The following GSTCD variants were observed in gnomAD, a reference collection of about 807,000 sequenced individuals.
The protein encoded by GSTCD is glutathione S-transferase C-terminal domain containing.
A neutral mutation model predicts 68.3 loss-of-function variants in GSTCD; 44 were observed. The ratio of observed to expected loss-of-function variants is 0.64; its 90% CI spans 0.51 to 0.83. The LOEUF (loss-of-function observed/expected upper bound fraction) is 0.83, where lower values mean the gene tolerates loss of function less well. Among genes scored for constraint, GSTCD ranks in the 40% least tolerant of loss-of-function variants. The pLI is 0.00. For missense variants in GSTCD, 739 were observed against 735.9 expected (o/e 1.00, Z -0.05); for synonymous variants, 273 against 255.2 (o/e 1.07, Z -0.67).
At chr4:105,745,121 C>T (rs964358134) in intron 5 of GSTCD, among the ~76,000 whole-genome samples, 2 of 152,124 alleles carry the variant, frequency 1.3e-5, no homozygotes, top group Admixed American at 1.3e-4. Context: ...AAATAATAGC[C>T]TTTAACATCA....
intron 7 of GSTCD, chr4:105,823,790 A>G (rs1044222467): frequency 2.0e-5 from 3 of 152,060 alleles, no homozygotes; most frequent in African/African-American, 7.2e-5. Context: ...TAATTGTTGC[A>G]AATTTTAAAA....
intron 5 of GSTCD, among the ~76,000 whole-genome samples, chr4:105,740,072 A>G (rs2149218994): frequency 6.6e-6 from 1 of 152,136 alleles, no homozygotes; most frequent in African/African-American, 2.4e-5. Context: ...TCAGAAATGA[A>G]GGGATATTGT....
rs577734993 is a variant in GSTCD at position 105,830,466 on chromosome 4, T to C, written c.1531-3995T>C. 5.1e-4 allele frequency among the ~76,000 whole-genome samples: 77 copies of C among 152,218 alleles called. 1 individual carries two copies. Among genetic ancestry groups the C allele is most frequent in the Admixed American group, 2.7e-3 (41 of 15,290 alleles). On this transcript the variant is annotated intron_variant, in intron 8 of 11. Coordinates refer to ENST00000515279, the MANE Select transcript of GSTCD (RefSeq NM_001370181.1). ...GTCTCAATAAAATGTACATTGTACA[T>C]ACCCCTTTTCAGCAAGCTACTAGAT... is the stretch of plus-strand genomic sequence containing the variant.
At chr4:105,826,629 A>G (rs1467899754) in intron 8 of GSTCD, among the ~76,000 whole-genome samples, 1 of 152,144 alleles carries the variant, frequency 6.6e-6, no homozygotes, top group African/African-American at 2.4e-5. Context: ...GAACATTGTT[A>G]AGACCATACT....
chr4:105,804,554 A>T (rs539764957), intron 5 of GSTCD, among the ~76,000 whole-genome samples: 2 of 152,250 alleles, frequency 1.3e-5, no homozygotes, highest in South Asian at 4.1e-4. Context: ...AAATTCATGG[A>T]GGACATTTTT....
intron 11 of GSTCD, among the ~76,000 whole-genome samples, chr4:105,844,646 T>C (rs1217303599): frequency 6.6e-6 from 1 of 152,236 alleles, no homozygotes; most frequent in Non-Finnish European, 1.5e-5. Flanking sequence ...AGTAATCTTT[T>C]TCCAGGGGGT....
chr4:105,766,330 A>G (rs1189638162), intron 5 of GSTCD, among the ~76,000 whole-genome samples: 2 of 152,152 alleles, frequency 1.3e-5, no homozygotes, highest in Admixed American at 1.3e-4. Flanking sequence ...ATGGGAAACA[A>G]AGAGAAGAGA....
chr4:105,844,321 T>A (rs1463564452), intron 11 of GSTCD, among the ~76,000 whole-genome samples: 1 of 152,196 alleles, frequency 6.6e-6, no homozygotes, highest in Non-Finnish European at 1.5e-5. Flanking sequence ...AAGGGATGAT[T>A]TTGCCTAAAT....
intron 10 of GSTCD, among the ~76,000 whole-genome samples, chr4:105,841,545 T>C (rs1004195462): frequency 1.3e-5 from 2 of 152,092 alleles, no homozygotes. Flanking sequence ...AAGAGCTACA[T>C]CTGGGCCAGC....
Position 105,837,880 on chromosome 4 carries a change from A to G in GSTCD, c.1686A>G (p.Leu562=), listed in dbSNP as rs1264521679. 6 of 1,101,794 alleles carry G rather than the reference A, an allele frequency of 5.4e-6. No homozygotes were observed. The highest frequency in any genetic ancestry group is 7.9e-6 in the Non-Finnish European group (6 of 757,568). 68.3% of individuals were successfully genotyped at this position (1,101,794 alleles called of 1,614,324 possible). A position where few individuals can be genotyped will look rare whatever the true frequency, so the allele number is the denominator to read the frequency against. ...TCAGTGAACAATTCAAGAAAACTTT[A>G]TCATACAAGGTAACCTTAAAAAGAT... ...FPKSEQFKKT[L]SYKEHMILCR... Residue 562 remains leucine (L), a synonymous_variant, in exon 10 of 12, where the codon TTA becomes TTG. Transcript: ENST00000515279.
chr4:105,771,069 T>A (rs1181457569), intron 5 of GSTCD, among the ~76,000 whole-genome samples: 1 of 152,206 alleles, frequency 6.6e-6, no homozygotes, highest in East Asian at 1.9e-4. Context: ...CCATTCTAAC[T>A]GCCATGAGAT....
chr4:105,729,477 T>C lies in GSTCD; in HGVS notation c.1218T>C (p.Pro406=). Residue 406 remains proline, a synonymous_variant, in exon 5 of 12, where the codon CCT becomes CCC. Transcript: ENST00000515279. ...PTWTLDWNVL[P]AAVSPKEGKM... Reference sequence around the variant, plus strand: ...GGACTCTTGATTGGAATGTTCTCCCTGCAGCAGTCAGCCCAAAGGAAGGTG... The same window carrying C: ...GGACTCTTGATTGGAATGTTCTCCCCGCAGCAGTCAGCCCAAAGGAAGGTG... The C allele has an allele frequency of 6.2e-7, 1 of 1,611,576 alleles. No homozygotes were observed. The highest frequency in any genetic ancestry group is 8.5e-7 in the Non-Finnish European group (1 of 1,178,412).
At chr4:105,715,468 C>A (rs1033922501) in intron 1 of GSTCD, among the ~76,000 whole-genome samples, 3 of 151,906 alleles carry the variant, frequency 2.0e-5, no homozygotes, top group African/African-American at 7.3e-5. Context: ...CCCAGATAAT[C>A]TTTTAAGAAG....
chr4:105,840,250 C>T (rs1247964684), intron 10 of GSTCD: 1 of 452,628 alleles, frequency 2.2e-6, no homozygotes, highest in Non-Finnish European at 4.4e-6. Flanking sequence ...TTTACAAACA[C>T]CATGAGGACA....
chr4:105,742,364 A>G (rs912486589), intron 5 of GSTCD, among the ~76,000 whole-genome samples: 1 of 152,016 alleles, frequency 6.6e-6, no homozygotes, highest in Non-Finnish European at 1.5e-5. Context: ...TCCCCTTGCT[A>G]GTTGAAATTA....
At chr4:105,845,339 A>T in intron 11 of GSTCD, 102 bp from the exon 12 acceptor site, 1 of 1,250,736 alleles carries the variant, frequency 8.0e-7, no homozygotes, top group South Asian at 1.3e-5. Flanking sequence ...AGCATGCTCC[A>T]TAGTACTTGC....
chr4:105,753,848 G>T (rs1384034613), intron 5 of GSTCD, among the ~76,000 whole-genome samples: 1 of 151,928 alleles, frequency 6.6e-6, no homozygotes, highest in Non-Finnish European at 1.5e-5. Flanking sequence ...CTGCAAAAAG[G>T]CATTTTCTTG....
chr4:105,730,430 C>T (rs1258258307), intron 5 of GSTCD, among the ~76,000 whole-genome samples: 1 of 152,170 alleles, frequency 6.6e-6, no homozygotes, highest in African/African-American at 2.4e-5. Flanking sequence ...TTAATGATCA[C>T]CATTCTAACT....
chr4:105,828,087 AAC>A (rs1251463540), intron 8 of GSTCD, among the ~76,000 whole-genome samples: 2 of 152,172 alleles, frequency 1.3e-5, no homozygotes, highest in Non-Finnish European at 2.9e-5. Flanking sequence ...AACAATAACA[AAC>A]AGTCATTTCA....
Sources: gnomAD v4.1 joint callset for allele counts (sites outside exome capture counted in the v4.1 genomes callset) on GRCh38, gnomAD v4.1.1 for gene constraint, MANE v1.5 for transcripts, NCBI Gene and HGNC (gene_info 2026-07-23, HGNC 2026-07-21) for gene names.